The following TLCD4 variants were observed in gnomAD, a reference collection of about 807,000 sequenced individuals.
TLCD4 encodes TLC domain-containing protein 4.
Under a neutral mutation model 24.2 loss-of-function variants are expected in TLCD4, and 7 were observed. The observed-to-expected ratio is 0.29, with a 90% confidence interval of 0.16 to 0.54. The LOEUF (loss-of-function observed/expected upper bound fraction) is 0.54. Ranked by LOEUF, TLCD4 falls within the 20% of genes least tolerant of loss-of-function variation. The pLI is 0.95. For missense variants in TLCD4, 259 were observed against 313.9 expected (o/e 0.82, Z 1.32); for synonymous variants, 103 against 106.4 (o/e 0.97, Z 0.20).
chr1:95,108,097 A>G, the TLCD4 span, among the ~76,000 whole-genome samples: 3 of 151,744 alleles, frequency 2.0e-5, no homozygotes, highest in Non-Finnish European at 4.4e-5. Flanking sequence ...ATGTTTTCTA[A>G]TTTTCTCTCG....
chr1:95,131,855 G>A (rs889042064), intron 1 of TLCD4, among the ~76,000 whole-genome samples: 1 of 152,178 alleles, frequency 6.6e-6, no homozygotes, highest in African/African-American at 2.4e-5. Context: ...ATTGATGTTG[G>A]GAGGTGGGGC....
rs549385194 is a variant in TLCD4, at chr1:95,174,520, A to G, written c.473+631A>G. 3.5e-4 allele frequency among the ~76,000 whole-genome samples: 44 copies of G among 124,486 alleles called. No individual in the cohort carries two copies. The East Asian group carries it at 0.011, about 32-fold the overall frequency. The allele number at this position is 124,486 out of a possible 152,430, so 81.7% of individuals were successfully genotyped here. A position where few individuals can be genotyped will look rare whatever the true frequency, so the allele number is the denominator to read the frequency against. On this transcript the variant is annotated intron_variant, in intron 6 of 6. Transcript: ENST00000370203. ...ATCCCATCCCTACAAAAAAAAAAAA[A>G]AAAAAAGAAAAAAGAAAATTAGCTG... is the stretch of plus-strand genomic sequence containing the variant.
rs41306159 is a variant in TLCD4 at position 95,197,510 on chromosome 1, C to A, written c.*5642C>A. On this transcript the variant is annotated 3_prime_UTR_variant, in exon 7 of 7. Coordinates refer to ENST00000370203, the MANE Select transcript of TLCD4 (RefSeq NM_152487.3). ...CTTCTCCCCCTCCCCTCCATGAAAA[C>A]CTTGGGATTTTCTTGTGCTAGAACA... 4,690 of 152,146 alleles carry A rather than the reference C, an allele frequency of 0.031. 103 individuals carry two copies. Among genetic ancestry groups the A allele is most frequent in the Middle Eastern group, 0.071 (21 of 294 alleles). The allele number at this position is 152,146 out of a possible 1,614,324, so 9.4% of individuals were successfully genotyped here.
intron 5 of TLCD4, among the ~76,000 whole-genome samples, chr1:95,161,794 C>G (rs7368059): frequency 0.44 from 67,335 of 151,858 alleles, 16,373 homozygotes; most frequent in Middle Eastern, 0.58. Context: ...TGTTCAGTTT[C>G]CATGTAGTTG....
chr1:95,159,904 T>G (rs191765899), intron 5 of TLCD4, among the ~76,000 whole-genome samples: 2 of 152,250 alleles, frequency 1.3e-5, no homozygotes, highest in Non-Finnish European at 2.9e-5. Flanking sequence ...TTTTGGTTAC[T>G]GTAGCCTTGT....
chr1:95,130,814 T>C (rs2100915342), intron 1 of TLCD4, among the ~76,000 whole-genome samples: 1 of 152,352 alleles, frequency 6.6e-6, no homozygotes, highest in African/African-American at 2.4e-5. Flanking sequence ...TTTGAATGTA[T>C]ATCATGTTAA....
intron 5 of TLCD4, among the ~76,000 whole-genome samples, chr1:95,171,589 A>C (rs948923821): frequency 6.6e-6 from 1 of 152,238 alleles, no homozygotes; most frequent in African/African-American, 2.4e-5. Flanking sequence ...AACAGTTATG[A>C]TATCAACACC....
At chr1:95,176,196 TC>T (rs1459998445) in intron 6 of TLCD4, among the ~76,000 whole-genome samples, 2 of 150,690 alleles carry the variant, frequency 1.3e-5, no homozygotes, top group Non-Finnish European at 3.0e-5. Flanking sequence ...GCCAATTTTT[TC>T]CTTTTTTTTT....
intron 5 of TLCD4, among the ~76,000 whole-genome samples, chr1:95,169,807 T>G (rs1678145860): frequency 6.6e-6 from 1 of 152,146 alleles, no homozygotes; most frequent in South Asian, 2.1e-4. Flanking sequence ...GCCTTCTGAG[T>G]AGCTGAGTCA....
At chr1:95,098,376 G>A in the TLCD4 span, among the ~76,000 whole-genome samples, 4 of 152,072 alleles carry the variant, frequency 2.6e-5, no homozygotes, top group African/African-American at 7.2e-5. Context: ...TATGTAATTC[G>A]GTGTGGCATA....
chr1:95,156,030 T>TA (rs201432592), intron 5 of TLCD4, among the ~76,000 whole-genome samples: 34 of 150,018 alleles, frequency 2.3e-4, no homozygotes, highest in Middle Eastern at 3.4e-3. Context: ...TAGATGTTGG[T>TA]AAAAAAAAAA....
rs946212093 is a variant in TLCD4, at chr1:95,151,548, CT to C, written c.399+133del. 3 of 1,065,970 alleles carry C rather than the reference CT, an allele frequency of 2.8e-6. No homozygotes were observed. In the African/African-American group the frequency reaches 4.8e-5, roughly 17 times the overall value. The allele number at this position is 1,065,970 out of a possible 1,614,324, so 66.0% of individuals were successfully genotyped here. On this transcript the variant is annotated intron_variant, in intron 5 of 6. Transcript: ENST00000370203. Reference sequence around the variant, plus strand: ...CATCTCCAGATGCATTCAGGGATTGCTTTTGTGGTATGCTATCTTCTGTATT... The same window carrying C: ...CATCTCCAGATGCATTCAGGGATTGCTTTGTGGTATGCTATCTTCTGTATT...
chr1:95,096,896 A>T, the TLCD4 span, among the ~76,000 whole-genome samples: 15 of 152,182 alleles, frequency 9.9e-5, no homozygotes, highest in Non-Finnish European at 2.9e-5. Context: ...CCTACTGGAA[A>T]TTTGGAAGAA....
chr1:95,162,010 A>G (rs992821178), intron 5 of TLCD4, among the ~76,000 whole-genome samples: 1 of 152,172 alleles, frequency 6.6e-6, no homozygotes, highest in Non-Finnish European at 1.5e-5. Context: ...GTAGATGTCT[A>G]TTAGGTCTGC....
At chr1:95,173,752 A>C in intron 5 of TLCD4, 64 bp from the exon 6 acceptor site, 1 of 1,604,370 alleles carries the variant, frequency 6.2e-7, no homozygotes, top group South Asian at 1.1e-5. Context: ...GGATATTTCT[A>C]CGGTATTTGG....
chr1:95,160,410 A>G (rs1376697621), intron 5 of TLCD4, among the ~76,000 whole-genome samples: 4 of 152,224 alleles, frequency 2.6e-5, no homozygotes, highest in Non-Finnish European at 4.4e-5. Context: ...TTTTGGGCTG[A>G]GACGATGGGG....
intron 5 of TLCD4, among the ~76,000 whole-genome samples, chr1:95,161,747 A>C (rs916917821): frequency 4.6e-5 from 7 of 152,090 alleles, no homozygotes; most frequent in Admixed American, 2.6e-4. Context: ...TTCTGCCTTC[A>C]TTTCGTTATG....
chr1:95,183,320 A>G (rs1193219175), intron 6 of TLCD4, among the ~76,000 whole-genome samples: 5 of 152,200 alleles, frequency 3.3e-5, no homozygotes, highest in African/African-American at 7.2e-5. Context: ...GACAAATCCT[A>G]TATTGGACCC....
chr1:95,097,838 T>A, the TLCD4 span, among the ~76,000 whole-genome samples: 1 of 152,200 alleles, frequency 6.6e-6, no homozygotes, highest in Non-Finnish European at 1.5e-5. Flanking sequence ...GAAATCTAGT[T>A]CTCTTTGTGC....
Sources: gnomAD v4.1 joint callset for allele counts (sites outside exome capture counted in the v4.1 genomes callset) on GRCh38, gnomAD v4.1.1 for gene constraint, MANE v1.5 for transcripts, NCBI Gene and HGNC (gene_info 2026-07-23, HGNC 2026-07-21) for gene names.